Variants in TMEM132D observed in about 807,000 individuals in gnomAD.
TMEM132D encodes the protein transmembrane protein 132D.
Under a neutral mutation model 62.3 loss-of-function variants are expected in TMEM132D, and 21 were observed. The ratio of observed to expected loss-of-function variants is 0.34; its 90% CI spans 0.24 to 0.49. The LOEUF (loss-of-function observed/expected upper bound fraction) is 0.49, where lower values mean the gene tolerates loss of function less well. Ranked by LOEUF, TMEM132D falls within the 20% of genes least tolerant of loss-of-function variation. TMEM132D has a pLI of 0.99. For missense variants in TMEM132D, 1,346 were observed against 1,402.8 expected (o/e 0.96, Z 0.65); for synonymous variants, 621 against 575.6 (o/e 1.08, Z -1.13).
intron 1 of TMEM132D, among the ~76,000 whole-genome samples, chr12:129,841,213 G>A (rs1045188174): frequency 1.4e-4 from 22 of 151,928 alleles, no homozygotes; most frequent in South Asian, 4.1e-4. Context: ...AGTTTTCAGC[G>A]TGCTCTCTAC....
chr12:129,504,232 C>T (rs1875261404), intron 3 of TMEM132D, among the ~76,000 whole-genome samples: 1 of 152,132 alleles, frequency 6.6e-6, no homozygotes, highest in East Asian at 1.9e-4. Flanking sequence ...CCAAAGTTTC[C>T]ATACCTCCTA....
chr12:129,341,549 C>T (rs887320830), intron 3 of TMEM132D, among the ~76,000 whole-genome samples: 1 of 152,192 alleles, frequency 6.6e-6, no homozygotes, highest in African/African-American at 2.4e-5. Context: ...CCTTGCTGGG[C>T]AGCATTCCCA....
chr12:129,256,102 C>T (rs11834550), intron 4 of TMEM132D, among the ~76,000 whole-genome samples: 8,362 of 152,236 alleles, frequency 0.055, 802 homozygotes, highest in African/African-American at 0.19. Flanking sequence ...TTTATTGAGA[C>T]AGAGTCTCAC....
At chr12:129,491,035 G>A (rs1252151631) in intron 3 of TMEM132D, among the ~76,000 whole-genome samples, 2 of 152,034 alleles carry the variant, frequency 1.3e-5, no homozygotes, top group African/African-American at 4.8e-5. Flanking sequence ...GCTGGAATCT[G>A]GGCCAAAATA....
At chr12:129,221,342 T>A (rs1388146426) in intron 4 of TMEM132D, among the ~76,000 whole-genome samples, 3 of 152,188 alleles carry the variant, frequency 2.0e-5, no homozygotes, top group Non-Finnish European at 4.4e-5. Flanking sequence ...ATAATTAGGC[T>A]TTTCTTGTCT....
At chr12:129,187,088 G>A (rs749165079) in intron 5 of TMEM132D, among the ~76,000 whole-genome samples, 24 of 152,118 alleles carry the variant, frequency 1.6e-4, no homozygotes, top group Non-Finnish European at 2.5e-4. Context: ...CCAGGCACAC[G>A]GCTAGCCTGG....
intron 5 of TMEM132D, among the ~76,000 whole-genome samples, chr12:129,176,607 G>T (rs756867708): frequency 3.3e-5 from 5 of 152,184 alleles, no homozygotes; most frequent in Non-Finnish European, 5.9e-5. Context: ...TGCTTTGATG[G>T]CTCTCGCTAC....
chr12:129,182,774 CA>C (rs918150938), intron 5 of TMEM132D, among the ~76,000 whole-genome samples: 4 of 152,220 alleles, frequency 2.6e-5, no homozygotes, highest in African/African-American at 9.6e-5. Flanking sequence ...TTAACTAACA[CA>C]AGGGAATTGG....
intron 4 of TMEM132D, among the ~76,000 whole-genome samples, chr12:129,315,539 G>A (rs35380061): frequency 2.6e-5 from 4 of 151,956 alleles, no homozygotes; most frequent in Non-Finnish European, 4.4e-5. Flanking sequence ...TTTTGGATAC[G>A]GTTAACTAGT....
intron 2 of TMEM132D, among the ~76,000 whole-genome samples, chr12:129,604,385 T>C (rs551444173): frequency 2.6e-5 from 4 of 152,306 alleles, no homozygotes; most frequent in African/African-American, 9.6e-5. Flanking sequence ...TATTTATTTA[T>C]TTACCTACTG....
chr12:129,728,744 C>A (rs756720581), intron 1 of TMEM132D, among the ~76,000 whole-genome samples: 5 of 152,142 alleles, frequency 3.3e-5, no homozygotes, highest in African/African-American at 4.8e-5. Context: ...TCTGTAGTTG[C>A]GAAGAGGGAG....
intron 2 of TMEM132D, among the ~76,000 whole-genome samples, chr12:129,671,501 G>A (rs892911157): frequency 9.2e-5 from 14 of 152,244 alleles, no homozygotes; most frequent in African/African-American, 3.1e-4. Context: ...AATTAACAAA[G>A]GTTAAATATT....
chr12:129,259,858 T>C (rs142550076), intron 4 of TMEM132D, among the ~76,000 whole-genome samples: 1 of 152,164 alleles, frequency 6.6e-6, no homozygotes, highest in African/African-American at 2.4e-5. Flanking sequence ...TTCTTGTAAT[T>C]TGACTTGAGC....
intron 5 of TMEM132D, among the ~76,000 whole-genome samples, chr12:129,175,891 C>T (rs1877890684): frequency 2.0e-5 from 3 of 152,156 alleles, no homozygotes; most frequent in African/African-American, 2.4e-5. Context: ...AGTTGAAACT[C>T]TTATAGGGTT....
chr12:129,416,172 T>A (rs565556542), intron 3 of TMEM132D, among the ~76,000 whole-genome samples: 1 of 152,362 alleles, frequency 6.6e-6, no homozygotes, highest in Admixed American at 6.5e-5. Flanking sequence ...ACAATACTGA[T>A]TCTTCCTATC....
At chr12:129,206,320 A>C (rs1258125073) in intron 5 of TMEM132D, among the ~76,000 whole-genome samples, 1 of 152,256 alleles carries the variant, frequency 6.6e-6, no homozygotes, top group Non-Finnish European at 1.5e-5. Flanking sequence ...TCAAAAGAAG[A>C]CATATATATG....
At chr12:129,473,545 G>T (rs1468512559) in intron 3 of TMEM132D, among the ~76,000 whole-genome samples, 1 of 151,938 alleles carries the variant, frequency 6.6e-6, no homozygotes, top group Non-Finnish European at 1.5e-5. Flanking sequence ...TGGCCAGGCT[G>T]GTCTCGAACC....
In TMEM132D at chr12:129,347,534, C is replaced by T. The variant is rs183807743; in HGVS notation, c.1116-9717G>A. Among the ~76,000 whole-genome samples, 5 of 152,250 alleles carry T rather than the reference C, an allele frequency of 3.3e-5. No homozygotes were observed. The East Asian group carries it at 9.6e-4, about 29-fold the overall frequency. The stretch of plus-strand genomic sequence containing the variant: ...CAGAAAACAGAAACCAGACTCCTTC[C>T]TTTATACCTTATACAAAAATTAACT... On this transcript the variant is annotated intron_variant, in intron 3 of 8. Transcript: ENST00000422113.
intron 3 of TMEM132D, among the ~76,000 whole-genome samples, chr12:129,456,530 T>C (rs1477633488): frequency 1.3e-5 from 2 of 152,148 alleles, no homozygotes; most frequent in African/African-American, 2.4e-5. Flanking sequence ...AATGGAGCTG[T>C]CCCTCCATGT....
Sources: allele counts gnomAD v4.1 joint callset (sites outside exome capture counted in the v4.1 genomes callset), GRCh38; gene constraint gnomAD v4.1.1; transcripts MANE v1.5; gene names NCBI Gene and HGNC (gene_info 2026-07-23, HGNC 2026-07-21).